SIPA1L1: variants seen among roughly 807,000 people sequenced by gnomAD.
SIPA1L1 encodes signal induced proliferation associated 1 like 1.
A neutral mutation model predicts 162.7 loss-of-function variants in SIPA1L1; 26 were observed. The ratio of observed to expected loss-of-function variants is 0.16; its 90% CI spans 0.12 to 0.22. The LOEUF (loss-of-function observed/expected upper bound fraction) is 0.22. SIPA1L1 is among the 10% of genes least tolerant of loss of function. The pLI, the probability that SIPA1L1 is intolerant of heterozygous loss-of-function variation, is 1.00. For synonymous variants in SIPA1L1, 829 were observed against 837.4 expected (o/e 0.99, Z 0.17); for missense variants, 1,874 against 2,241.0 (o/e 0.84, Z 3.31).
At chr14:71,633,380 G>A (rs936693335) in intron 7 of SIPA1L1, among the ~76,000 whole-genome samples, 1 of 152,132 alleles carries the variant, frequency 6.6e-6, no homozygotes, top group African/African-American at 2.4e-5. Flanking sequence ...CACCATGTTG[G>A]CTAGGATGGT....
intron 2 of SIPA1L1, among the ~76,000 whole-genome samples, chr14:71,453,510 G>C (rs2045968312): frequency 6.6e-6 from 1 of 152,106 alleles, no homozygotes; most frequent in African/African-American, 2.4e-5. Context: ...TCTCACTCTA[G>C]GATAGAAAAT....
intron 12 of SIPA1L1, among the ~76,000 whole-genome samples, chr14:71,683,038 C>T (rs1030235405): frequency 7.9e-5 from 12 of 152,166 alleles, no homozygotes; most frequent in Non-Finnish European, 8.8e-5. Context: ...CCTGTAGTCC[C>T]AGCTACTCAG....
At chr14:71,386,095 G>C (rs1052444755) in intron 2 of SIPA1L1, among the ~76,000 whole-genome samples, 10 of 152,180 alleles carry the variant, frequency 6.6e-5, no homozygotes, top group Non-Finnish European at 1.0e-4. Flanking sequence ...ACTACTGCCT[G>C]TCATATTGGA....
chr14:71,421,453 G>A (rs1402016371), intron 2 of SIPA1L1, among the ~76,000 whole-genome samples: 1 of 152,032 alleles, frequency 6.6e-6, no homozygotes, highest in Non-Finnish European at 1.5e-5. Flanking sequence ...AAAAAAGGTA[G>A]GCAGGTATGG....
chr14:71,366,498 G>A (rs1461240584), intron 2 of SIPA1L1, among the ~76,000 whole-genome samples: 1 of 152,078 alleles, frequency 6.6e-6, no homozygotes, highest in African/African-American at 2.4e-5. Flanking sequence ...GTGCAGTGGC[G>A]TGATCTCTCA....
Position 71,379,946 on chromosome 14 carries a change from A to G in SIPA1L1, c.-465+58765A>G, listed in dbSNP as rs928042513. On this transcript the variant is annotated intron_variant, in intron 2 of 23. Coordinates refer to ENST00000381232, the MANE Select transcript of SIPA1L1 (RefSeq NM_001386936.1). Reference sequence around the variant, plus strand: ...ATGATTAGCTATTTTTTGTGTTTTGATAACTTATTATTGCCATATTCTTTC... The same window carrying G: ...ATGATTAGCTATTTTTTGTGTTTTGGTAACTTATTATTGCCATATTCTTTC... Among the ~76,000 whole-genome samples, 91 of 152,296 alleles carry G rather than the reference A, an allele frequency of 6.0e-4. 1 individual carries two copies. The highest frequency in any genetic ancestry group is 2.1e-3 in the African/African-American group (89 of 41,578).
chr14:71,384,974 C>T (rs759764664), intron 2 of SIPA1L1, among the ~76,000 whole-genome samples: 1 of 152,062 alleles, frequency 6.6e-6, no homozygotes, highest in Non-Finnish European at 1.5e-5. Context: ...CAGGGTTAAT[C>T]GGACTTGTGG....
At chr14:71,681,418 A>G (rs2045799912) in intron 12 of SIPA1L1, among the ~76,000 whole-genome samples, 2 of 152,368 alleles carry the variant, frequency 1.3e-5, no homozygotes, top group East Asian at 1.9e-4. Flanking sequence ...CCACTAGCCT[A>G]TAGTTCTTAA....
At chr14:71,646,234 T>C (rs1297963959) in intron 7 of SIPA1L1, among the ~76,000 whole-genome samples, 2 of 151,362 alleles carry the variant, frequency 1.3e-5, no homozygotes, top group East Asian at 1.9e-4. Flanking sequence ...TGGAGTGCAG[T>C]GGCGCTATCT....
At chr14:71,582,993 TG>T (rs1247866102) in intron 4 of SIPA1L1, among the ~76,000 whole-genome samples, 1 of 152,330 alleles carries the variant, frequency 6.6e-6, no homozygotes, top group Non-Finnish European at 1.5e-5. Flanking sequence ...CAAGAAGGGA[TG>T]TAAAGAAAAT....
rs537629099 is a variant in SIPA1L1 at position 71,497,481 on chromosome 14, A to G, written c.-464-15262A>G. Among the ~76,000 whole-genome samples the G allele has an allele frequency of 3.9e-5, 6 of 152,336 alleles. No individual in the cohort carries two copies. In the South Asian group the frequency reaches 1.0e-3, roughly 26 times the overall value. On this transcript the variant is annotated intron_variant, in intron 2 of 23. Coordinates refer to ENST00000381232, the MANE Select transcript of SIPA1L1 (RefSeq NM_001386936.1). ...TAAAACTCCCTCATGCTACCCCTTTATAGTCACCTCTTTGCCTACCTATAA... is the reference window on the plus strand; with the variant it reads ...TAAAACTCCCTCATGCTACCCCTTTGTAGTCACCTCTTTGCCTACCTATAA...
chr14:71,325,745 CTT>C (rs1219331309), intron 2 of SIPA1L1, among the ~76,000 whole-genome samples: 4 of 152,114 alleles, frequency 2.6e-5, no homozygotes, highest in Non-Finnish European at 5.9e-5. Flanking sequence ...AGCCATTTCT[CTT>C]TGCCTCTGGA....
intron 4 of SIPA1L1, among the ~76,000 whole-genome samples, chr14:71,559,957 T>C (rs2056653970): frequency 1.3e-5 from 2 of 152,096 alleles, no homozygotes; most frequent in African/African-American, 4.8e-5. Context: ...ACACACTAAA[T>C]TTATGCTCCA....
At chr14:71,598,987 T>C (rs950841970) in intron 5 of SIPA1L1, among the ~76,000 whole-genome samples, 1 of 152,146 alleles carries the variant, frequency 6.6e-6, no homozygotes, top group African/African-American at 2.4e-5. Context: ...GTCTCTGATA[T>C]CTATCGTTAC....
At chr14:71,581,038 A>C (rs903355775) in intron 4 of SIPA1L1, among the ~76,000 whole-genome samples, 2 of 152,118 alleles carry the variant, frequency 1.3e-5, no homozygotes, top group Non-Finnish European at 2.9e-5. Context: ...TCAGTTTTTT[A>C]TCCTGTATTC....
At chr14:71,655,808 A>G (rs2043005018) in intron 8 of SIPA1L1, among the ~76,000 whole-genome samples, 1 of 151,790 alleles carries the variant, frequency 6.6e-6, no homozygotes, top group South Asian at 2.1e-4. Context: ...CCACTTTTTA[A>G]TGGGGCTGTT....
At chr14:71,457,198 C>G (rs1318645611) in intron 2 of SIPA1L1, among the ~76,000 whole-genome samples, 1 of 152,184 alleles carries the variant, frequency 6.6e-6, no homozygotes, top group Admixed American at 6.5e-5. Context: ...AGCTAGCAAC[C>G]CTCCATTCTT....
chr14:71,432,521 G>GGT (rs999742148), intron 2 of SIPA1L1, among the ~76,000 whole-genome samples: 3 of 152,168 alleles, frequency 2.0e-5, no homozygotes, highest in Non-Finnish European at 4.4e-5. Context: ...TACACAGAAA[G>GGT]GTGGAGGGAA....
intron 5 of SIPA1L1, among the ~76,000 whole-genome samples, chr14:71,603,533 A>G (rs564166094): frequency 4.5e-4 from 69 of 152,172 alleles, no homozygotes; most frequent in African/African-American, 1.6e-3. Flanking sequence ...ATCATGGCCT[A>G]CTGCAGCCTT....
Sources: allele counts gnomAD v4.1 joint callset (sites outside exome capture counted in the v4.1 genomes callset), GRCh38; gene constraint gnomAD v4.1.1; transcripts MANE v1.5; gene names NCBI Gene and HGNC (gene_info 2026-07-23, HGNC 2026-07-21).